Variants in TBC1D15 observed in about 807,000 individuals in gnomAD.
TBC1D15 encodes GAP for RAB7.
TBC1D15 carries 39 observed loss-of-function variants against 95.4 expected under a neutral mutation model. That is an observed-to-expected ratio of 0.41 (90% CI 0.32 to 0.53). The LOEUF is 0.53. TBC1D15 is among the 20% of genes least tolerant of loss of function. The pLI is 0.29. For missense variants in TBC1D15, 733 were observed against 794.3 expected (o/e 0.92, Z 0.93); for synonymous variants, 258 against 261.3 (o/e 0.99, Z 0.12).
rs1424916988 is a variant in TBC1D15 at position 71,894,763 on chromosome 12, A to G, written c.735A>G (p.Arg245=). 1 of 1,613,370 alleles carries G rather than the reference A, an allele frequency of 6.2e-7. No homozygotes were observed. The highest frequency in any genetic ancestry group is 1.1e-5 in the South Asian group (1 of 91,054). The change falls in exon 7 of 17, where the codon AGA becomes AGG. Residue 245 remains arginine (R), a synonymous_variant. Transcript: ENST00000485960. The part of the protein sequence containing the change: ...KVTNYIFDSL[R]GSDPSTHQRP... ...CAAACTACATTTTTGACAGTTTGAG[A>G]GGCAGCGATCCCTCTACACATCAAC...
At chr12:71,849,312 T>C in intron 1 of TBC1D15, 1 of 1,065,860 alleles carries the variant, frequency 9.4e-7, no homozygotes. Flanking sequence ...GAAGAATCTT[T>C]TTAGGTAAGG....
At chr12:71,906,563 C>G (rs927283022) in intron 10 of TBC1D15, among the ~76,000 whole-genome samples, 1 of 151,090 alleles carries the variant, frequency 6.6e-6, no homozygotes, top group Admixed American at 6.6e-5. Context: ...TTTGATTATA[C>G]TTCTTATAAT....
At chr12:71,921,158 C>T (rs1869152812) in intron 15 of TBC1D15, among the ~76,000 whole-genome samples, 2 of 152,098 alleles carry the variant, frequency 1.3e-5, no homozygotes, top group Non-Finnish European at 2.9e-5. Flanking sequence ...ATTTAATGTT[C>T]CATAAGCTTA....
intron 14 of TBC1D15, 58 bp downstream of exon 14, chr12:71,918,606 T>A (rs1406327658): frequency 8.7e-7 from 1 of 1,154,638 alleles, no homozygotes; most frequent in Non-Finnish European, 1.2e-6. Flanking sequence ...AACAATTTAT[T>A]CTGTAGAGTG....
chr12:71,903,671 A>G (rs941257418), intron 10 of TBC1D15, among the ~76,000 whole-genome samples: 1 of 152,262 alleles, frequency 6.6e-6, no homozygotes, highest in African/African-American at 2.4e-5. Context: ...TGCACCATAG[A>G]ATGCTATGCA....
At chr12:71,845,188 T>C (rs988805019) in intron 1 of TBC1D15, among the ~76,000 whole-genome samples, 2 of 152,172 alleles carry the variant, frequency 1.3e-5, no homozygotes, top group African/African-American at 4.8e-5. Context: ...TCAGGAAGTA[T>C]AGCCTCACTG....
chr12:71,892,908 T>A (rs1369569809), intron 5 of TBC1D15, among the ~76,000 whole-genome samples: 1 of 151,718 alleles, frequency 6.6e-6, no homozygotes, highest in Non-Finnish European at 1.5e-5. Context: ...TCTACTATAA[T>A]TCTAGAGAAG....
In TBC1D15 at chr12:71,884,835, A is replaced by G. The variant is rs1351740083; in HGVS notation, c.368A>G (p.Lys123Arg). 2 of 1,613,988 alleles carry G rather than the reference A, an allele frequency of 1.2e-6. No homozygotes were observed. ...NGDAPSHRNG[K>R]SKWSFLFSLT... ...GATGCTCCAAGTCATAGAAATGGGA[A>G]AAGCAAATGGTCATTCCTGTTCAGT... The change falls in exon 5 of 17, where the codon AAA (lysine) becomes AGA (arginine). Residue 123 changes from lysine (K) to arginine (R), a missense_variant. Physicochemically the swap from Lys to Arg is conservative, Grantham distance 26. Coordinates refer to ENST00000485960, the MANE Select transcript of TBC1D15 (RefSeq NM_001146213.3).
At chr12:71,913,195 G>A (rs1407883880) in intron 11 of TBC1D15, among the ~76,000 whole-genome samples, 2 of 151,826 alleles carry the variant, frequency 1.3e-5, no homozygotes, top group African/African-American at 4.8e-5. Flanking sequence ...GCATTGGTTG[G>A]GTGTAGAGAG....
intron 14 of TBC1D15, among the ~76,000 whole-genome samples, chr12:71,919,589 C>T (rs1223647139): frequency 6.6e-6 from 1 of 152,100 alleles, no homozygotes; most frequent in African/African-American, 2.4e-5. Flanking sequence ...TTACTTTATG[C>T]TCACTTCCTC....
intron 1 of TBC1D15, chr12:71,854,442 G>A: frequency 4.9e-6 from 2 of 410,046 alleles, no homozygotes; most frequent in South Asian, 3.6e-5. Context: ...GAATGTTTGT[G>A]TTCCAAATTT....
intron 12 of TBC1D15, among the ~76,000 whole-genome samples, chr12:71,914,922 A>C (rs1016978839): frequency 6.6e-6 from 1 of 151,836 alleles, no homozygotes; most frequent in African/African-American, 2.4e-5. Context: ...TATTTCCCCA[A>C]ATCTCTTGTC....
chr12:71,852,771 A>G (rs1888142566), intron 1 of TBC1D15, among the ~76,000 whole-genome samples: 1 of 152,120 alleles, frequency 6.6e-6, no homozygotes, highest in Non-Finnish European at 1.5e-5. Flanking sequence ...ACTTCCCAGT[A>G]GTTCCTCATT....
chr12:71,876,796 T>TTTTTTTGAAG (rs1293174512), intron 3 of TBC1D15, among the ~76,000 whole-genome samples: 1 of 151,878 alleles, frequency 6.6e-6, no homozygotes, highest in African/African-American at 2.4e-5. Flanking sequence ...GATTTTTTTT[T>TTTTTTTGAAG]TTTTTTTGAA....
chr12:71,857,805 G>A (rs1889432023), intron 1 of TBC1D15, among the ~76,000 whole-genome samples: 1 of 152,176 alleles, frequency 6.6e-6, no homozygotes, highest in African/African-American at 2.4e-5. Context: ...CTGTCTAGCT[G>A]TACTTTAGTA....
chr12:71,913,380 C>T (rs1464771538), intron 11 of TBC1D15: 1 of 153,778 alleles, frequency 6.5e-6, no homozygotes, highest in Admixed American at 6.6e-5. Context: ...GGGCTTGCAA[C>T]TTTCTTGTTA....
At chr12:71,844,204 C>T (rs915910100) in intron 1 of TBC1D15, among the ~76,000 whole-genome samples, 5 of 152,218 alleles carry the variant, frequency 3.3e-5, no homozygotes, top group African/African-American at 9.6e-5. Context: ...TGCAGCTGTT[C>T]GTTCTTGGCC....
intron 1 of TBC1D15, among the ~76,000 whole-genome samples, chr12:71,855,918 T>C (rs1888951856): frequency 6.6e-6 from 1 of 150,828 alleles, no homozygotes; most frequent in South Asian, 2.1e-4. Flanking sequence ...GCACCTTTTG[T>C]CTTGTTATTG....
At position 71,917,789 on chromosome 12, in the gene TBC1D15, G is replaced by A; in HGVS notation, c.1493G>A (p.Ser498Asn). The A allele has an allele frequency of 1.2e-6, 2 of 1,608,720 alleles. No individual in the cohort carries two copies. Among genetic ancestry groups the A allele is most frequent in the Non-Finnish European group, 1.7e-6 (2 of 1,175,672 alleles). ...LLRLLDSGFC[S>N]YLESQDSGYL... ...CGATTGTTAGACAGTGGATTTTGCA[G>A]TTACTTAGGTAAGTTTAGTGAATCA... Residue 498 changes from serine to asparagine, a missense_variant, in exon 13 of 17, where the codon AGT becomes AAT. Coordinates refer to ENST00000485960, the MANE Select transcript of TBC1D15 (RefSeq NM_001146213.3).
Sources: allele counts gnomAD v4.1 joint callset (sites outside exome capture counted in the v4.1 genomes callset), GRCh38; gene constraint gnomAD v4.1.1; transcripts MANE v1.5; gene names NCBI Gene and HGNC (gene_info 2026-07-23, HGNC 2026-07-21).